Variants in RSRP1 observed in about 807,000 individuals in gnomAD.
The protein encoded by RSRP1 is arginine and serine rich protein 1.
Under a neutral mutation model 33.0 loss-of-function variants are expected in RSRP1, and 37 were observed. The observed-to-expected ratio is 1.12, with a 90% CI of 0.86 to 1.48. The LOEUF (loss-of-function observed/expected upper bound fraction) is 1.48, where lower values mean the gene tolerates loss of function less well. Among genes scored for constraint, RSRP1 ranks in the 40% most tolerant of loss-of-function variants. The probability of loss-of-function intolerance (pLI) is 0.00; values close to 1 mark genes in which losing one functional copy is unlikely to be tolerated. For missense variants in RSRP1, 402 were observed against 385.3 expected, an observed-to-expected ratio of 1.04 and a Z score of -0.36; for synonymous variants, 167 against 158.7, an observed-to-expected ratio of 1.05 and a Z score of -0.40.
chr1:25,292,729 A>G (rs1642622600), intron 1 of RSRP1, among the ~76,000 whole-genome samples: 1 of 126,064 alleles, frequency 7.9e-6, no homozygotes, highest in Admixed American at 7.8e-5. Flanking sequence ...AGCTTAGTGG[A>G]AAGGTTAGGG....
At chr1:25,252,931 G>A (rs1316040018) in intron 1 of RSRP1, among the ~76,000 whole-genome samples, 2 of 152,168 alleles carry the variant, frequency 1.3e-5, no homozygotes, top group Non-Finnish European at 2.9e-5. Flanking sequence ...CTATTTTCAA[G>A]GTTTTGTTTA....
intron 1 of RSRP1, among the ~76,000 whole-genome samples, chr1:25,262,536 C>T (rs1640191767): frequency 6.6e-6 from 1 of 152,202 alleles, no homozygotes; most frequent in African/African-American, 2.4e-5. Flanking sequence ...TTAGAAAGGG[C>T]TCACATGATT....
In RSRP1 at chr1:25,313,903, C is replaced by G. The variant is rs1323510197; in HGVS notation, c.-67+24075G>C. 2.3e-5 allele frequency among the ~76,000 whole-genome samples: 3 copies of G among 132,766 alleles called. 1 individual carries two copies. Among genetic ancestry groups the G allele is most frequent in the Non-Finnish European group, 5.4e-5 (3 of 55,980 alleles). 87.1% of individuals were successfully genotyped at this position (132,766 alleles called of 152,430 possible). A position where few individuals can be genotyped will look rare whatever the true frequency, so the allele number is the denominator to read the frequency against. On this transcript the variant is annotated intron_variant, in intron 1 of 1. Coordinates refer to the RSRP1 transcript ENST00000561867. ...CTGTCATAAATGAATGCCAGATAGG[C>G]AAATAGAGAATCTAAGAAAAGATAG...
Position 25,311,042 on chromosome 1 carries a change from A to G in RSRP1, c.-67+26936T>C, listed in dbSNP as rs1346773445. 1.5e-5 allele frequency among the ~76,000 whole-genome samples: 2 copies of G among 131,672 alleles called. 1 individual carries two copies. Among genetic ancestry groups the G allele is most frequent in the Non-Finnish European group, 3.6e-5 (2 of 55,664 alleles). The allele number at this position is 131,672 out of a possible 152,430, so 86.4% of individuals were successfully genotyped here. A position where few individuals can be genotyped will look rare whatever the true frequency, so the allele number is the denominator to read the frequency against. On this transcript the variant is annotated intron_variant, in intron 1 of 1. Transcript: ENST00000561867. Reference sequence around the variant, plus strand: ...AGTTCTGCAGTTCTGGTGAGGGCTTAAAGGAAGACCCCAGAACTAGGGAAA... The same window carrying G: ...AGTTCTGCAGTTCTGGTGAGGGCTTGAAGGAAGACCCCAGAACTAGGGAAA...
chr1:25,309,722 GA>G (rs1644039140), intron 1 of RSRP1, among the ~76,000 whole-genome samples: 1 of 131,332 alleles, frequency 7.6e-6, no homozygotes, highest in South Asian at 2.3e-4. Flanking sequence ...CAAAACATTG[GA>G]ATTCTTGGTT....
chr1:25,288,754 C>T (rs1017672393), intron 1 of RSRP1, among the ~76,000 whole-genome samples: 5 of 126,490 alleles, frequency 4.0e-5, no homozygotes, highest in African/African-American at 1.4e-4. Context: ...CACTGCACAT[C>T]ACTGTCTTAG....
chr1:25,336,706 G>A (rs888029517), intron 1 of RSRP1, among the ~76,000 whole-genome samples: 15 of 150,788 alleles, frequency 9.9e-5, no homozygotes, highest in Admixed American at 9.9e-4. Context: ...GCTCAGAGCT[G>A]GTAAACTAAT....
Position 25,303,459 on chromosome 1 carries a change from G to A in RSRP1, c.-67+34519C>T, listed in dbSNP as rs200162404. ...CCGTCGGGGGAGCCAAGTACCTGCC[G>A]GTAAGAAACTAGACAACTAACCTCC... On this transcript the variant is annotated intron_variant, in intron 1 of 1. Coordinates refer to the RSRP1 transcript ENST00000561867. 1.6e-5 allele frequency: 22 copies of A among 1,378,732 alleles called. 5 individuals are homozygous for A. Among genetic ancestry groups the A allele is most frequent in the African/African-American group, 5.7e-5 (4 of 70,230 alleles). 85.4% of individuals were successfully genotyped at this position (1,378,732 alleles called of 1,614,324 possible). A position where few individuals can be genotyped will look rare whatever the true frequency, so the allele number is the denominator to read the frequency against.
At position 25,303,239 on chromosome 1, in the gene RSRP1, G is replaced by T. The variant is rs1409688703; in HGVS notation, c.-67+34739C>A. On this transcript the variant is annotated intron_variant, in intron 1 of 1. Coordinates refer to the RSRP1 transcript ENST00000561867. ...AGGGAGGATGTTACAGGGTTGCCTTGTTCCCAGCGTGCTGGTCACTTGCAG... is the reference window on the plus strand; with the variant it reads ...AGGGAGGATGTTACAGGGTTGCCTTTTTCCCAGCGTGCTGGTCACTTGCAG... The T allele has an allele frequency of 4.4e-5, 46 of 1,044,610 alleles. 6 individuals are homozygous for T. The highest frequency in any genetic ancestry group is 4.7e-5 in the East Asian group (2 of 42,662). The allele number at this position is 1,044,610 out of a possible 1,614,324, so 64.7% of individuals were successfully genotyped here.
intron 1 of RSRP1, among the ~76,000 whole-genome samples, chr1:25,312,011 A>G (rs560469327): frequency 2.5e-5 from 3 of 118,634 alleles, no homozygotes; most frequent in East Asian, 2.0e-4. Flanking sequence ...TCATAGTGCA[A>G]TGCCAGCTTG....
intron 1 of RSRP1, among the ~76,000 whole-genome samples, chr1:25,278,156 A>G (rs1641179180): frequency 7.7e-6 from 1 of 129,404 alleles, no homozygotes; most frequent in Admixed American, 7.5e-5. Context: ...AGGAGATTCT[A>G]GAGATATTTA....
At chr1:25,267,722 C>G (rs1180481315) in intron 1 of RSRP1, 1 of 132,696 alleles carries the variant, frequency 7.5e-6, no homozygotes, top group Admixed American at 7.3e-5. Flanking sequence ...GACCCCAGTA[C>G]TAGAAAACAC....
intron 1 of RSRP1, among the ~76,000 whole-genome samples, chr1:25,281,316 C>A (rs548912187): frequency 7.7e-6 from 1 of 129,570 alleles, no homozygotes; most frequent in African/African-American, 2.7e-5. Context: ...TACAATTCTC[C>A]TCTGGGCCCG....
At chr1:25,332,515 T>A (rs1645031924) in intron 1 of RSRP1, among the ~76,000 whole-genome samples, 1 of 129,370 alleles carries the variant, frequency 7.7e-6, no homozygotes, top group South Asian at 2.3e-4. Flanking sequence ...CATTAGAAAT[T>A]AAAAAAAAAT....
intron 1 of RSRP1, among the ~76,000 whole-genome samples, chr1:25,284,067 G>A: frequency 7.4e-6 from 1 of 135,242 alleles, no homozygotes; most frequent in Non-Finnish European, 1.8e-5. Context: ...TGAAGATTAT[G>A]TGGTTCCCAA....
Position 25,272,755 on chromosome 1 carries a change from G to A in RSRP1, c.-66-25726C>T, listed in dbSNP as rs1183830312. 33 of 1,369,306 alleles carry A rather than the reference G, an allele frequency of 2.4e-5. 9 individuals carry two copies. The highest frequency in any genetic ancestry group is 3.0e-5 in the Non-Finnish European group (29 of 971,758). The allele number at this position is 1,369,306 out of a possible 1,614,324, so 84.8% of individuals were successfully genotyped here. ...AATAGCAGGGGCAGGGGCGGGGGAG[G>A]CCTGTGGTTCTCCAGGGGCACAGAT... On this transcript the variant is annotated intron_variant, in intron 1 of 1. Transcript: ENST00000561867.
At chr1:25,272,074 T>A (rs1435000989) in intron 1 of RSRP1, among the ~76,000 whole-genome samples, 2 of 127,416 alleles carry the variant, frequency 1.6e-5, no homozygotes, top group Admixed American at 7.7e-5. Context: ...CAATACATTG[T>A]TGTTAAGAGC....
Position 25,288,275 on chromosome 1 carries a change from T to C in RSRP1, c.-66-41246A>G, listed in dbSNP as rs2986148. ...TCAAGTGATCTGCCCACCTCGGCTC[T>C]GAAAAGTACTGGAATTACAGCCTCC... On this transcript the variant is annotated intron_variant, in intron 1 of 1. Transcript: ENST00000561867. Among the ~76,000 whole-genome samples the C allele has an allele frequency of 5.2e-3, 673 of 129,360 alleles. 87 individuals are homozygous for C. The highest frequency in any genetic ancestry group is 0.015 in the African/African-American group (586 of 38,210). 84.9% of individuals were successfully genotyped at this position (129,360 alleles called of 152,430 possible).
intron 1 of RSRP1, among the ~76,000 whole-genome samples, chr1:25,311,913 C>A (rs1197393124): frequency 1.5e-5 from 2 of 131,176 alleles, no homozygotes; most frequent in Non-Finnish European, 3.6e-5. Context: ...GTGCTGTGAA[C>A]AGCCACCCCA....
Sources: gnomAD v4.1 joint callset for allele counts (sites outside exome capture counted in the v4.1 genomes callset) on GRCh38, gnomAD v4.1.1 for gene constraint, MANE v1.5 for transcripts, NCBI Gene and HGNC (gene_info 2026-07-23, HGNC 2026-07-21) for gene names.